Variants in TUT1 observed in about 807,000 individuals in gnomAD.
The protein encoded by TUT1 is terminal uridylyl transferase 1, U6 snRNA-specific.
Under a neutral mutation model 48.8 loss-of-function variants are expected in TUT1, and 26 were observed. The observed-to-expected ratio is 0.53, with a 90% CI of 0.39 to 0.74. The LOEUF (loss-of-function observed/expected upper bound fraction) is 0.74, where lower values mean the gene tolerates loss of function less well. TUT1 is among the 30% of genes least tolerant of loss of function. The probability of loss-of-function intolerance (pLI) is 0.00; values close to 1 mark genes in which losing one functional copy is unlikely to be tolerated. For synonymous variants in TUT1, 470 were observed against 460.8 expected, an observed-to-expected ratio of 1.02 and a Z score of -0.26; for missense variants, 1,065 against 1,114.8, an observed-to-expected ratio of 0.96 and a Z score of 0.64.
Position 62,579,895 on chromosome 11 carries a change from A to G in TUT1, c.691-865T>C, listed in dbSNP as rs1012013112. On this transcript the variant is annotated intron_variant, in intron 4 of 8. Coordinates refer to ENST00000476907, the MANE Select transcript of TUT1 (RefSeq NM_022830.3). ...TGGCCAGGCTGGTCTCAAACTCCTG[A>G]CCTCAGGTGATCCACCTGCCTTGCC... is the stretch of plus-strand genomic sequence containing the variant. 6.8e-5 allele frequency among the ~76,000 whole-genome samples: 4 copies of G among 58,620 alleles called. No individual in the cohort carries two copies. In the East Asian group the frequency reaches 1.8e-3, roughly 27 times the overall value. The allele number at this position is 58,620 out of a possible 152,430, so 38.5% of individuals were successfully genotyped here. A position where few individuals can be genotyped will look rare whatever the true frequency, so the allele number is the denominator to read the frequency against.
At chr11:62,589,368 CCT>C (rs1941972034) in intron 1 of TUT1, 147 bp from the exon 2 acceptor site, 3 of 652,718 alleles carry the variant, frequency 4.6e-6, no homozygotes, top group Non-Finnish European at 7.8e-6. Context: ...CTTTCACCTT[CCT>C]CTCTTATACA....
Position 62,576,057 on chromosome 11 carries a change from A to G in TUT1, c.1662T>C (p.Asn554=), listed in dbSNP as rs1401866049. 1.2e-6 allele frequency: 2 copies of G among 1,613,874 alleles called. No individual in the cohort carries two copies. The highest frequency in any genetic ancestry group is 1.3e-5 in the African/African-American group (1 of 75,060). ...PFDLSHNVAA[N]VTSRVAGRLQ... ...GGCGCCCAGCCACCCGGCTGGTCAC[A>G]TTGGCTGCGACATTGTGACTCAGGT... Residue 554 remains asparagine, a synonymous_variant, in exon 9 of 9, where the codon AAT becomes AAC. Transcript: ENST00000476907.
chr11:62,576,843 T>G, intron 7 of TUT1, 64 bp downstream of exon 7: 1 of 1,594,698 alleles, frequency 6.3e-7, no homozygotes, highest in Non-Finnish European at 8.6e-7. Context: ...TTGGTGTATC[T>G]AAGTGTGATG....
In TUT1 at chr11:62,581,661, C is replaced by T. The variant is rs746211412; in HGVS notation, c.314G>A (p.Arg105Gln). The change falls in exon 3 of 9, where the codon CGA becomes CAA. Residue 105 changes from arginine to glutamine, a missense_variant. Coordinates refer to ENST00000476907, the MANE Select transcript of TUT1 (RefSeq NM_022830.3). ...CTGGGACTGTGACAAGACAGCCTCT[C>T]GAGCACCCACGTCCCCCATCTCCAC... ...AIVEMGDVGA[R>Q]EAVLSQSQHS... The T allele has an allele frequency of 1.3e-6, 2 of 1,499,834 alleles. No individual in the cohort carries two copies. The highest frequency in any genetic ancestry group is 8.9e-7 in the Non-Finnish European group (1 of 1,123,254). 92.9% of individuals were successfully genotyped at this position (1,499,834 alleles called of 1,614,324 possible).
intron 2 of TUT1, chr11:62,582,444 A>C: frequency 3.4e-6 from 1 of 290,544 alleles, no homozygotes; most frequent in Non-Finnish European, 7.0e-6. Flanking sequence ...AAGAAAAAGA[A>C]AATTAGCCAG....
At position 62,576,029 on chromosome 11, in the gene TUT1, G is replaced by T. The variant is rs368382626; in HGVS notation, c.1690C>A (p.Gln564Lys). 34 of 1,613,668 alleles carry T rather than the reference G, an allele frequency of 2.1e-5. No homozygotes were observed. The highest frequency in any genetic ancestry group is 2.8e-5 in the Non-Finnish European group (33 of 1,180,022). The change falls in exon 9 of 9, where the codon CAG becomes AAG. Residue 564 changes from glutamine to lysine, a missense_variant. Coordinates refer to ENST00000476907, the MANE Select transcript of TUT1 (RefSeq NM_022830.3). The stretch of plus-strand genomic sequence containing the variant: ...TTGGCTGCTGCTCGGCAGCAGTTCT[G>T]TAGGCGCCCAGCCACCCGGCTGGTC... ...NVTSRVAGRL[Q>K]NCCRAAANYC...
Position 62,581,710 on chromosome 11 carries a change from C to G in TUT1, c.274-9G>C, listed in dbSNP as rs989736463. On this transcript the variant is annotated splice_polypyrimidine_tract_variant and intron_variant, in intron 2 of 8. Transcript: ENST00000476907. ...ACAATGGCAAACACTCCCTGGTAAACAACAGGGGCAGAGATGATGATTTTG... is the reference window on the plus strand; with the variant it reads ...ACAATGGCAAACACTCCCTGGTAAAGAACAGGGGCAGAGATGATGATTTTG... 1.4e-6 allele frequency: 2 copies of G among 1,433,768 alleles called. No individual in the cohort carries two copies. Among genetic ancestry groups the G allele is most frequent in the East Asian group, 5.2e-5 (2 of 38,142 alleles). The allele number at this position is 1,433,768 out of a possible 1,614,324, so 88.8% of individuals were successfully genotyped here. A position where few individuals can be genotyped will look rare whatever the true frequency, so the allele number is the denominator to read the frequency against.
intron 4 of TUT1, among the ~76,000 whole-genome samples, chr11:62,579,718 G>A (rs546546969): frequency 6.8e-6 from 1 of 146,364 alleles, no homozygotes; most frequent in South Asian, 2.2e-4. Context: ...AGGCTGGAGT[G>A]CAGTGGCGCG....
chr11:62,579,044 T>A lies in TUT1; in HGVS notation c.691-14A>T. On this transcript the variant is annotated splice_polypyrimidine_tract_variant and intron_variant, in intron 4 of 8. Transcript: ENST00000476907. ...CTTTGGGACTGGCTGTGGACAGAAA[T>A]GAACTGAGTGAAATGTTTCTGCTGT... 6.7e-7 allele frequency: 1 copy of A among 1,491,114 alleles called. No individual in the cohort carries two copies. The allele number at this position is 1,491,114 out of a possible 1,614,324, so 92.4% of individuals were successfully genotyped here.
chr11:62,580,459 CA>C lies in TUT1; in HGVS notation c.690+646del, dbSNP rs112238072. 4.3e-3 allele frequency among the ~76,000 whole-genome samples: 545 copies of C among 128,020 alleles called. 4 individuals are homozygous for C. The highest frequency in any genetic ancestry group is 0.011 in the African/African-American group (385 of 34,570). 84.0% of individuals were successfully genotyped at this position (128,020 alleles called of 152,430 possible). On this transcript the variant is annotated intron_variant, in intron 4 of 8. Transcript: ENST00000476907. ...TGGGTGACAGAGTTAGACGGTCTCT[CA>C]AAAAAAAAAAATACACATAAGCAAA...
At chr11:62,576,863 G>T in intron 7 of TUT1, 44 bp downstream of exon 7, 1 of 1,603,338 alleles carries the variant, frequency 6.2e-7, no homozygotes, top group East Asian at 2.2e-5. Flanking sequence ...GAAGAAGAGA[G>T]AGGAAACTAA....
intron 4 of TUT1, among the ~76,000 whole-genome samples, chr11:62,580,080 G>T (rs543148801): frequency 1.3e-5 from 2 of 152,242 alleles, no homozygotes; most frequent in Non-Finnish European, 2.9e-5. Flanking sequence ...TTCGAGACCA[G>T]CCTGGGAAAC....
intron 2 of TUT1, among the ~76,000 whole-genome samples, chr11:62,587,273 C>T (rs1382607374): frequency 6.6e-6 from 1 of 152,066 alleles, no homozygotes; most frequent in Non-Finnish European, 1.5e-5. Context: ...CCTCCGCCTC[C>T]CGGGTTCAAG....
Position 62,577,271 on chromosome 11 carries a change from CG to C in TUT1, c.1180del (p.Arg394ValfsTer3). 6.2e-7 allele frequency: 1 copy of C among 1,612,756 alleles called. No homozygotes were observed. Among genetic ancestry groups the C allele is most frequent in the Non-Finnish European group, 8.5e-7 (1 of 1,179,666 alleles). On this transcript the variant is annotated frameshift_variant, in exon 6 of 9. Coordinates refer to ENST00000476907, the MANE Select transcript of TUT1 (RefSeq NM_022830.3). LOFTEE classifies it high-confidence loss of function. Reference protein sequence around the residue: ...LSNRLALHNSRFLSLCSELDG... With the variant: ...LSNRLALHNSXFLSLCSELDG... ...CAGCTCAGAGCAGAGACTCAGGAAA[CG>C]GGAGTTATGCAGGGCCAGCCTGGGA... is the stretch of plus-strand genomic sequence containing the variant.
At position 62,581,479 on chromosome 11, in the gene TUT1, G is replaced by T; in HGVS notation, c.496C>A (p.Leu166Ile). 2.3e-5 allele frequency: 37 copies of T among 1,614,142 alleles called. No individual in the cohort carries two copies. Among genetic ancestry groups the T allele is most frequent in the Non-Finnish European group, 3.1e-5 (37 of 1,180,022 alleles). ...TCGGACAACTCCCTCAGCCCCACAA[G>T]CTTTATCATTTGTGCCCCCACGTCT... ...AADVGAQMIK[L>I]VGLRELSEAE... Residue 166 changes from leucine to isoleucine, a missense_variant, in exon 3 of 9, where the codon CTT (leucine) becomes ATT (isoleucine). Leu to Ile is a conservative substitution (Grantham distance 5). Coordinates refer to ENST00000476907, the MANE Select transcript of TUT1 (RefSeq NM_022830.3).
In TUT1 at chr11:62,581,123, C is replaced by T. The variant is rs759667058; in HGVS notation, c.673G>A (p.Asp225Asn). The change falls in exon 4 of 9, where the codon GAC (aspartate) becomes AAC (asparagine). Residue 225 changes from aspartate (D) to asparagine (N), a missense_variant. Transcript: ENST00000476907. ...CDLDLFLDLG[D>N]LEEPQPVPKA... ...TCACTCACCTGGGGCTCTTCCAAGTCACCCAGATCCAAGAAGAGGTCAAGA... is the reference window on the plus strand; with the variant it reads ...TCACTCACCTGGGGCTCTTCCAAGTTACCCAGATCCAAGAAGAGGTCAAGA... 1.9e-5 allele frequency: 31 copies of T among 1,613,938 alleles called. 1 individual carries two copies. In the East Asian group the frequency reaches 6.7e-4, roughly 35 times the overall value.
rs1342589268 is a variant in TUT1 at position 62,576,945 on chromosome 11, G to A, written c.1343C>T (p.Pro448Leu). The change falls in exon 7 of 9, where the codon CCT becomes CTT. Residue 448 changes from proline to leucine, a missense_variant. Pro to Leu is a moderately conservative substitution (Grantham distance 98). Coordinates refer to ENST00000476907, the MANE Select transcript of TUT1 (RefSeq NM_022830.3). ...GAGCTGGGACACAGTGGGCAACACA[G>A]GAGGGTCCCTGGTCTGAAGAAAATA... ...VIYFLQTRDP[P>L]VLPTVSQLTQ... 1 of 1,614,052 alleles carries A rather than the reference G, an allele frequency of 6.2e-7. No individual in the cohort carries two copies. The highest frequency in any genetic ancestry group is 8.5e-7 in the Non-Finnish European group (1 of 1,180,044).
At chr11:62,576,636 T>C (rs1941733448) in intron 8 of TUT1, 21 bp downstream of exon 8, 13 of 1,607,148 alleles carry the variant, frequency 8.1e-6, no homozygotes, top group Non-Finnish European at 9.4e-6. Context: ...ACTAGTCCTC[T>C]ACCAGGCTCC....
intron 2 of TUT1, among the ~76,000 whole-genome samples, chr11:62,588,821 A>G (rs986165896): frequency 3.9e-5 from 6 of 152,162 alleles, no homozygotes; most frequent in Non-Finnish European, 8.8e-5. Flanking sequence ...CAGCATCCCA[A>G]GTAGCTGGGA....
Sources: gnomAD v4.1 joint callset for allele counts (sites outside exome capture counted in the v4.1 genomes callset) on GRCh38, gnomAD v4.1.1 for gene constraint, MANE v1.5 for transcripts, NCBI Gene and HGNC (gene_info 2026-07-23, HGNC 2026-07-21) for gene names.